The following HMGCLL1 variants were observed in gnomAD, a reference collection of about 807,000 sequenced individuals.
HMGCLL1 encodes the protein 3-hydroxymethyl-3-methylglutaryl-CoA lyase, cytoplasmic.
In HMGCLL1, 36 loss-of-function variants were observed where a neutral mutation model predicts 39.1. That is an observed-to-expected ratio of 0.92 (90% CI 0.71 to 1.22). The LOEUF (loss-of-function observed/expected upper bound fraction) is 1.22, where lower values mean the gene tolerates loss of function less well. HMGCLL1 is among the 50% of genes most tolerant of loss of function. HMGCLL1 has a pLI of 0.00. For synonymous variants in HMGCLL1, 149 were observed against 144.0 expected (o/e 1.03, Z -0.25); for missense variants, 451 against 416.5 (o/e 1.08, Z -0.72).
chr6:55,580,629 A>G (rs1157432050), upstream of HMGCLL1, among the ~76,000 whole-genome samples: 1 of 151,740 alleles, frequency 6.6e-6, no homozygotes, highest in African/African-American at 2.4e-5. Flanking sequence ...GTTAGCCAGG[A>G]TGGTCTCGAT....
chr6:55,452,993 A>C (rs147447598), intron 7 of HMGCLL1, among the ~76,000 whole-genome samples: 3 of 152,236 alleles, frequency 2.0e-5, no homozygotes, highest in African/African-American at 7.2e-5. Flanking sequence ...GGTGGAGGAG[A>C]GGAGGGATAG....
intron 7 of HMGCLL1, among the ~76,000 whole-genome samples, chr6:55,464,301 C>A (rs1764706087): frequency 6.6e-6 from 1 of 152,048 alleles, no homozygotes; most frequent in Admixed American, 6.6e-5. Context: ...AAGTAGAAAT[C>A]ATATTGAAAA....
intron 7 of HMGCLL1, among the ~76,000 whole-genome samples, chr6:55,445,172 A>C (rs1442004605): frequency 6.6e-6 from 1 of 152,024 alleles, no homozygotes; most frequent in African/African-American, 2.4e-5. Context: ...ATTTTAATAC[A>C]ATTTCCCCTA....
intron 1 of HMGCLL1, among the ~76,000 whole-genome samples, chr6:55,577,997 A>G (rs966797191): frequency 2.6e-5 from 4 of 152,202 alleles, no homozygotes; most frequent in African/African-American, 9.6e-5. Flanking sequence ...GATACACTAA[A>G]CTGAGAATAC....
At chr6:55,485,533 CATATATACAT>C (rs1765980002) in intron 7 of HMGCLL1, among the ~76,000 whole-genome samples, 1 of 151,868 alleles carries the variant, frequency 6.6e-6, no homozygotes, top group African/African-American at 2.4e-5. Context: ...ATAATCCTAC[CATATATACAT>C]ATATATGTTA....
At chr6:55,644,585 G>A in the HMGCLL1 span, among the ~76,000 whole-genome samples, 1 of 151,994 alleles carries the variant, frequency 6.6e-6, no homozygotes, top group Non-Finnish European at 1.5e-5. Context: ...TAAGGCAAGA[G>A]ATACAAACCA....
chr6:55,678,451 C>T, the HMGCLL1 span, among the ~76,000 whole-genome samples: 1 of 151,712 alleles, frequency 6.6e-6, no homozygotes, highest in East Asian at 1.9e-4. Context: ...CTTAAGGGGG[C>T]CAACCTATGT....
intron 1 of HMGCLL1, among the ~76,000 whole-genome samples, chr6:55,557,430 A>T (rs2127468642): frequency 6.6e-6 from 1 of 152,052 alleles, no homozygotes; most frequent in South Asian, 2.1e-4. Flanking sequence ...GCTCTCAGCC[A>T]TATCTAGTTT....
chr6:55,623,103 T>A, the HMGCLL1 span, among the ~76,000 whole-genome samples: 2 of 152,024 alleles, frequency 1.3e-5, no homozygotes, highest in East Asian at 1.9e-4. Flanking sequence ...TTATAATATA[T>A]CCTTTCTCAT....
At chr6:55,597,374 T>C in the HMGCLL1 span, among the ~76,000 whole-genome samples, 2 of 152,222 alleles carry the variant, frequency 1.3e-5, no homozygotes, top group Admixed American at 1.3e-4. Context: ...ATGTGATTTA[T>C]AGACGTTTTC....
chr6:55,479,069 A>C (rs1473049646), intron 7 of HMGCLL1, among the ~76,000 whole-genome samples: 4 of 151,530 alleles, frequency 2.6e-5, no homozygotes, highest in Admixed American at 2.6e-4. Flanking sequence ...TCTTAAACAA[A>C]GTTTAAGCTG....
At chr6:55,620,264 C>T in the HMGCLL1 span, among the ~76,000 whole-genome samples, 1 of 152,018 alleles carries the variant, frequency 6.6e-6, no homozygotes. Context: ...TTTGAGGAAC[C>T]TCCATACTCT....
chr6:55,545,274 T>C (rs889565571), intron 1 of HMGCLL1, among the ~76,000 whole-genome samples: 10 of 151,806 alleles, frequency 6.6e-5, no homozygotes, highest in African/African-American at 2.4e-4. Flanking sequence ...AATAACCATA[T>C]GCCTCCTGAA....
At chr6:55,567,108 A>G (rs1009022565) in intron 1 of HMGCLL1, among the ~76,000 whole-genome samples, 2 of 152,144 alleles carry the variant, frequency 1.3e-5, no homozygotes, top group Non-Finnish European at 2.9e-5. Context: ...TAATAAAGAG[A>G]TATTTCATTC....
chr6:55,643,191 T>C, the HMGCLL1 span, among the ~76,000 whole-genome samples: 1 of 152,006 alleles, frequency 6.6e-6, no homozygotes, highest in Admixed American at 6.6e-5. Flanking sequence ...GGTAATACTG[T>C]TTTTAGCTCT....
chr6:55,437,284 G>A (rs1306051095), intron 8 of HMGCLL1, among the ~76,000 whole-genome samples: 1 of 151,938 alleles, frequency 6.6e-6, no homozygotes, highest in Non-Finnish European at 1.5e-5. Context: ...CACGTAGAAT[G>A]TGGTTTCTGC....
chr6:55,620,611 G>C, the HMGCLL1 span, among the ~76,000 whole-genome samples: 1 of 150,778 alleles, frequency 6.6e-6, no homozygotes, highest in South Asian at 2.1e-4. Context: ...TTGATTTCCT[G>C]TGCTTTTGGG....
the HMGCLL1 span, among the ~76,000 whole-genome samples, chr6:55,639,905 C>T: frequency 6.6e-6 from 1 of 151,832 alleles, no homozygotes. Context: ...ATGGTGAAAC[C>T]CCCTCTCTAC....
the HMGCLL1 span, among the ~76,000 whole-genome samples, chr6:55,637,018 T>C: frequency 6.6e-6 from 1 of 152,174 alleles, no homozygotes; most frequent in Non-Finnish European, 1.5e-5. Flanking sequence ...AAGATTGCCT[T>C]TTTAAAGAGC....
Sources: allele counts gnomAD v4.1 joint callset (sites outside exome capture counted in the v4.1 genomes callset), GRCh38; gene constraint gnomAD v4.1.1; transcripts MANE v1.5; gene names NCBI Gene and HGNC (gene_info 2026-07-23, HGNC 2026-07-21).